NRG3: variants seen among roughly 807,000 people sequenced by gnomAD.
NRG3 encodes the protein neuregulin 3.
NRG3 carries 31 observed loss-of-function variants against 66.9 expected under a neutral mutation model. The observed-to-expected ratio is 0.46, with a 90% CI of 0.35 to 0.63. The LOEUF (loss-of-function observed/expected upper bound fraction) is 0.63. Ranked by LOEUF, NRG3 falls within the 20% of genes least tolerant of loss-of-function variation. The pLI is 0.00. For missense variants in NRG3, 910 were observed against 878.9 expected, an observed-to-expected ratio of 1.04 and a Z score of -0.45; for synonymous variants, 393 against 359.4, an observed-to-expected ratio of 1.09 and a Z score of -1.06.
chr10:82,581,699 C>A (rs1337674419), intron 2 of NRG3, among the ~76,000 whole-genome samples: 1 of 151,964 alleles, frequency 6.6e-6, no homozygotes, highest in East Asian at 1.9e-4. Context: ...AATAGTACAA[C>A]ATTTTAAAGT....
At chr10:82,730,088 CT>C (rs531254299) in intron 2 of NRG3, among the ~76,000 whole-genome samples, 14,679 of 132,338 alleles carry the variant, frequency 0.11, 674 homozygotes, top group African/African-American at 0.23. Flanking sequence ...TTTTTTTTTC[CT>C]TTTTTTTTTT....
At chr10:82,396,570 C>T (rs989271235) in intron 2 of NRG3, among the ~76,000 whole-genome samples, 1 of 152,178 alleles carries the variant, frequency 6.6e-6, no homozygotes, top group Non-Finnish European at 1.5e-5. Context: ...AGCAACCAAT[C>T]GCTGACTGAC....
intron 2 of NRG3, among the ~76,000 whole-genome samples, chr10:82,479,849 T>A (rs535403094): frequency 5.8e-4 from 87 of 148,812 alleles, no homozygotes; most frequent in African/African-American, 2.0e-3. Context: ...GCGCCTGCAG[T>A]CCCAGCTACT....
chr10:82,563,165 G>A (rs2133037309), intron 2 of NRG3, among the ~76,000 whole-genome samples: 1 of 152,138 alleles, frequency 6.6e-6, no homozygotes, highest in South Asian at 2.1e-4. Context: ...TTAAAACTTT[G>A]ATGAGATTAT....
chr10:82,933,850 A>G (rs780208281), intron 4 of NRG3, among the ~76,000 whole-genome samples: 2 of 152,204 alleles, frequency 1.3e-5, no homozygotes, highest in Admixed American at 6.5e-5. Flanking sequence ...TCAATATCCC[A>G]TGTTCTAAAA....
intron 3 of NRG3, among the ~76,000 whole-genome samples, chr10:82,780,537 A>G (rs1456906483): frequency 1.4e-5 from 2 of 147,448 alleles, no homozygotes; most frequent in African/African-American, 2.5e-5. Context: ...TGCTATGACA[A>G]GAGCTATTTT....
At chr10:82,842,267 G>C (rs989608582) in intron 3 of NRG3, among the ~76,000 whole-genome samples, 1 of 152,108 alleles carries the variant, frequency 6.6e-6, no homozygotes, top group Non-Finnish European at 1.5e-5. Context: ...AAAAAATAAA[G>C]GGCTTCAAGT....
chr10:82,610,831 T>C (rs2048268303), intron 2 of NRG3, among the ~76,000 whole-genome samples: 1 of 152,162 alleles, frequency 6.6e-6, no homozygotes, highest in African/African-American at 2.4e-5. Flanking sequence ...TTGAGAAGCT[T>C]TGCTTTACTC....
rs372826894 is a variant in NRG3, at chr10:82,912,788, G to A, written c.1055-38681G>A. ...GATCTAATTAAGTATTTTATATGAT[G>A]GTATTTTATCTTCTCTGTTAGCATA... On this transcript the variant is annotated intron_variant, in intron 4 of 8. Transcript: ENST00000372141. Among the ~76,000 whole-genome samples the A allele has an allele frequency of 1.3e-4, 20 of 151,842 alleles. No homozygotes were observed. In the East Asian group the frequency reaches 3.7e-3, roughly 28 times the overall value.
intron 2 of NRG3, among the ~76,000 whole-genome samples, chr10:82,378,389 G>A (rs1476645902): frequency 6.6e-6 from 1 of 152,176 alleles, no homozygotes; most frequent in African/African-American, 2.4e-5. Context: ...AGCAAAGACT[G>A]ATTCACTTTC....
intron 1 of NRG3, among the ~76,000 whole-genome samples, chr10:82,179,089 G>T: frequency 6.6e-6 from 1 of 151,596 alleles, no homozygotes; most frequent in Non-Finnish European, 1.5e-5. Context: ...TCAGATAATT[G>T]GAGCTTTTTT....
chr10:82,114,103 A>G (rs1478973818), intron 1 of NRG3, among the ~76,000 whole-genome samples: 1 of 152,140 alleles, frequency 6.6e-6, no homozygotes, highest in Non-Finnish European at 1.5e-5. Context: ...TGTGACTGAC[A>G]TCTTTGATTT....
At position 82,985,414 on chromosome 10, in the gene NRG3, G is replaced by C; in HGVS notation, c.1900G>C (p.Val634Leu). 6.2e-7 allele frequency: 1 copy of C among 1,614,150 alleles called. No homozygotes were observed. Among genetic ancestry groups the C allele is most frequent in the Non-Finnish European group, 8.5e-7 (1 of 1,179,998 alleles). The part of the protein sequence containing the change: ...QQEVKILLET[V>L]QEQIRILTDA... Reference sequence around the variant, plus strand: ...AGAAGTGAAAATATTGCTAGAAACTGTCCAGGAGCAGATCCGAATTCTGAC... The same window carrying C: ...AGAAGTGAAAATATTGCTAGAAACTCTCCAGGAGCAGATCCGAATTCTGAC... The change falls in exon 9 of 9, where the codon GTC becomes CTC. Residue 634 changes from valine to leucine, a missense_variant. By Grantham distance (32) the Val-to-Leu change is conservative. Transcript: ENST00000372141.
At chr10:82,048,888 A>G (rs1160895669) in intron 1 of NRG3, among the ~76,000 whole-genome samples, 2 of 152,026 alleles carry the variant, frequency 1.3e-5, no homozygotes, top group African/African-American at 2.4e-5. Flanking sequence ...GAAGAATCAA[A>G]TAGATGCAAT....
At chr10:82,898,715 C>CTTTTTT (rs765058089) in intron 4 of NRG3, among the ~76,000 whole-genome samples, 87 of 89,382 alleles carry the variant, frequency 9.7e-4, no homozygotes, top group African/African-American at 3.8e-3. Context: ...GGAGTTTTAC[C>CTTTTTT]TTTTTTTTTT....
intron 2 of NRG3, among the ~76,000 whole-genome samples, chr10:82,441,617 A>G (rs1333498342): frequency 6.6e-6 from 1 of 152,234 alleles, no homozygotes; most frequent in Non-Finnish European, 1.5e-5. Context: ...AGAGTGCTGT[A>G]GTAACATGGG....
At chr10:82,966,620 A>G (rs1353547421) in intron 6 of NRG3, among the ~76,000 whole-genome samples, 5 of 152,170 alleles carry the variant, frequency 3.3e-5, no homozygotes, top group Admixed American at 6.5e-5. Context: ...GATTATGCAT[A>G]GCCCACTCTT....
intron 4 of NRG3, among the ~76,000 whole-genome samples, chr10:82,911,645 C>G (rs1294239158): frequency 6.6e-6 from 1 of 151,396 alleles, no homozygotes; most frequent in African/African-American, 2.4e-5. Context: ...CTTAGTTAAA[C>G]TGGCTTTTAG....
In NRG3 at chr10:82,890,463, T is replaced by C. The variant is rs545729137; in HGVS notation, c.1054+25026T>C. ...TCACCCGAACAAAACTGACTTAGAC[T>C]GATTTATTGCATATTATATATACAT... On this transcript the variant is annotated intron_variant, in intron 4 of 8. Transcript: ENST00000372141. Among the ~76,000 whole-genome samples, 60 of 152,298 alleles carry C rather than the reference T, an allele frequency of 3.9e-4. 2 individuals are homozygous for C. In the South Asian group the frequency reaches 0.012, roughly 30 times the overall value.
Sources: gnomAD v4.1 joint callset for allele counts (sites outside exome capture counted in the v4.1 genomes callset) on GRCh38, gnomAD v4.1.1 for gene constraint, MANE v1.5 for transcripts, NCBI Gene and HGNC (gene_info 2026-07-23, HGNC 2026-07-21) for gene names.